The following RANBP2 variants were observed in gnomAD, a reference collection of about 807,000 sequenced individuals.
The protein encoded by RANBP2 is E3 SUMO-protein ligase RanBP2.
In RANBP2, 57 loss-of-function variants were observed where a neutral mutation model predicts 303.6. The ratio of observed to expected loss-of-function variants is 0.19; its 90% confidence interval spans 0.15 to 0.23. The LOEUF is 0.23. Ranked by LOEUF, RANBP2 falls within the 10% of genes least tolerant of loss-of-function variation. The pLI, the probability that RANBP2 is intolerant of heterozygous loss-of-function variation, is 1.00. For missense variants in RANBP2, 3,138 were observed against 3,780.8 expected, an observed-to-expected ratio of 0.83 and a Z score of 4.46; for synonymous variants, 1,167 against 1,301.5, an observed-to-expected ratio of 0.90 and a Z score of 2.23.
chr2:109,417,442 C>T, the RANBP2 span, among the ~76,000 whole-genome samples: 33 of 152,234 alleles, frequency 2.2e-4, no homozygotes, highest in South Asian at 2.1e-4. Flanking sequence ...GGAATCCATC[C>T]GTGGGAAGGA....
At chr2:109,614,680 C>T in the RANBP2 span, 1 of 1,487,074 alleles carries the variant, frequency 6.7e-7, no homozygotes, top group Non-Finnish European at 8.9e-7. Flanking sequence ...AACGCCGTGG[C>T]CACTGTGCGC....
Position 108,782,366 on chromosome 2 carries a change from A to G in RANBP2, c.8999A>G (p.Asn3000Ser), listed in dbSNP as rs1247790533. ...GAATTAAAGCCCTTAAATGTTTCAA[A>G]TAATGCTTTAGTTTGGACTGCCTCA... is the stretch of plus-strand genomic sequence containing the variant. ...TMELKPLNVSNNALVWTASDY... is the reference protein window; with the variant it reads ...TMELKPLNVSSNALVWTASDY... Residue 3000 changes from asparagine (N) to serine (S), a missense_variant, in exon 27 of 29, where the codon AAT becomes AGT. By Grantham distance (46) the Asn-to-Ser change is conservative. Coordinates refer to ENST00000283195, the MANE Select transcript of RANBP2 (RefSeq NM_006267.5). The G allele has an allele frequency of 6.2e-7, 1 of 1,614,000 alleles. No homozygotes were observed. Among genetic ancestry groups the G allele is most frequent in the Non-Finnish European group, 8.5e-7 (1 of 1,180,034 alleles).
the RANBP2 span, among the ~76,000 whole-genome samples, chr2:109,523,436 C>T: frequency 2.6e-5 from 4 of 152,174 alleles, no homozygotes; most frequent in Non-Finnish European, 5.9e-5. Flanking sequence ...GGTGATGCTG[C>T]ACCTGCTTTC....
At chr2:109,448,678 A>G in the RANBP2 span, among the ~76,000 whole-genome samples, 1 of 152,228 alleles carries the variant, frequency 6.6e-6, no homozygotes, top group African/African-American at 2.4e-5. Context: ...TGTTATGGTG[A>G]GTTGTATACT....
the RANBP2 span, among the ~76,000 whole-genome samples, chr2:108,889,493 ATAAT>A: frequency 2.5e-4 from 38 of 152,284 alleles, no homozygotes; most frequent in African/African-American, 8.4e-4. Flanking sequence ...TATATTTAGA[ATAAT>A]TATATCCTCT....
intron 6 of RANBP2, among the ~76,000 whole-genome samples, chr2:108,737,613 G>A (rs1237463161): frequency 1.4e-5 from 2 of 147,628 alleles, no homozygotes; most frequent in Non-Finnish European, 3.0e-5. Flanking sequence ...CAGTGGTGCA[G>A]TCTCGGCTCA....
At chr2:109,763,065 A>G in the RANBP2 span, among the ~76,000 whole-genome samples, 6 of 150,066 alleles carry the variant, frequency 4.0e-5, no homozygotes, top group Middle Eastern at 3.4e-3. Flanking sequence ...TGTGTCCAGT[A>G]TTTTCATATC....
At chr2:109,369,205 G>A in the RANBP2 span, among the ~76,000 whole-genome samples, 5 of 151,502 alleles carry the variant, frequency 3.3e-5, no homozygotes, top group East Asian at 1.9e-4. Flanking sequence ...AAAATTAGCC[G>A]GGAGTGGTGG....
At chr2:109,061,047 A>G in the RANBP2 span, among the ~76,000 whole-genome samples, 7 of 152,046 alleles carry the variant, frequency 4.6e-5, no homozygotes, top group African/African-American at 1.7e-4. Flanking sequence ...CTAGATATGA[A>G]GAAACCTATT....
At chr2:109,061,676 T>C in the RANBP2 span, among the ~76,000 whole-genome samples, 1 of 152,208 alleles carries the variant, frequency 6.6e-6, no homozygotes, top group Non-Finnish European at 1.5e-5. Flanking sequence ...CAGTTCATAG[T>C]AGCCTTGGAT....
the RANBP2 span, among the ~76,000 whole-genome samples, chr2:108,918,756 G>A: frequency 6.6e-6 from 1 of 152,192 alleles, no homozygotes; most frequent in East Asian, 1.9e-4. Flanking sequence ...TCATATGGGG[G>A]TCTTTGAGGT....
At chr2:109,725,228 T>C in the RANBP2 span, among the ~76,000 whole-genome samples, 1 of 152,138 alleles carries the variant, frequency 6.6e-6, no homozygotes, top group African/African-American at 2.4e-5. Flanking sequence ...TGTTCCTCAC[T>C]TGCAGGAGGA....
chr2:109,689,228 C>T, the RANBP2 span, among the ~76,000 whole-genome samples: 1 of 152,122 alleles, frequency 6.6e-6, no homozygotes, highest in Non-Finnish European at 1.5e-5. Context: ...TTCTAGGAAC[C>T]TGTTACCTCT....
At chr2:108,939,916 T>C in the RANBP2 span, among the ~76,000 whole-genome samples, 5 of 152,200 alleles carry the variant, frequency 3.3e-5, no homozygotes, top group African/African-American at 7.2e-5. Context: ...AAAGTATTTG[T>C]GGTGTGATGG....
the RANBP2 span, among the ~76,000 whole-genome samples, chr2:109,514,000 T>C: frequency 6.6e-6 from 1 of 152,030 alleles, no homozygotes. Flanking sequence ...CCCCAGTGAG[T>C]CTGCGGCTCC....
the RANBP2 span, among the ~76,000 whole-genome samples, chr2:109,213,186 T>C: frequency 6.6e-6 from 1 of 152,244 alleles, no homozygotes; most frequent in African/African-American, 2.4e-5. Context: ...TTGCTTATTC[T>C]CTTCCTTGGC....
chr2:109,502,535 C>G, the RANBP2 span: 1 of 152,120 alleles, frequency 6.6e-6, no homozygotes, highest in African/African-American at 2.4e-5. Context: ...GCCGCCATCC[C>G]GCACCTCAGC....
the RANBP2 span, among the ~76,000 whole-genome samples, chr2:109,446,716 C>T: frequency 6.6e-6 from 1 of 152,112 alleles, no homozygotes; most frequent in Non-Finnish European, 1.5e-5. Flanking sequence ...GCCAGTGTGG[C>T]TGAGGGGAGA....
the RANBP2 span, among the ~76,000 whole-genome samples, chr2:108,905,895 G>A: frequency 1.2e-4 from 17 of 146,184 alleles, no homozygotes; most frequent in East Asian, 1.5e-3. Flanking sequence ...ATCAGACATC[G>A]GGGATGCTCG....
Sources: allele counts gnomAD v4.1 joint callset (sites outside exome capture counted in the v4.1 genomes callset), GRCh38; gene constraint gnomAD v4.1.1; transcripts MANE v1.5; gene names NCBI Gene and HGNC (gene_info 2026-07-23, HGNC 2026-07-21).